Variants in GRM5 observed in about 807,000 individuals in gnomAD.
GRM5 encodes the protein metabotropic glutamate receptor 5.
Under a neutral mutation model 83.1 loss-of-function variants are expected in GRM5, and 19 were observed. The ratio of observed to expected loss-of-function variants is 0.23; its 90% CI spans 0.16 to 0.34. GRM5 has a LOEUF of 0.34. GRM5 is among the 10% of genes least tolerant of loss of function. GRM5 has a pLI of 1.00. For missense variants in GRM5, 1,160 were observed against 1,588.3 expected (o/e 0.73, Z 4.58); for synonymous variants, 675 against 633.6 (o/e 1.07, Z -0.98).
At chr11:88,590,828 C>T in intron 6 of GRM5, 101 bp from the exon 7 acceptor site, 1 of 710,876 alleles carries the variant, frequency 1.4e-6, no homozygotes, top group Non-Finnish European at 2.4e-6. Flanking sequence ...AGGCCTTTCA[C>T]ATACATTATT....
chr11:88,928,634 T>A (rs596370), intron 2 of GRM5, among the ~76,000 whole-genome samples: 70,758 of 151,342 alleles, frequency 0.47, 17,620 homozygotes, highest in African/African-American at 0.63. Flanking sequence ...ACTGATAAAA[T>A]GACAATTATA....
Position 88,506,899 on chromosome 11 carries a change from AT to A in GRM5, c.*1692del, listed in dbSNP as rs1381436580. On this transcript the variant is annotated 3_prime_UTR_variant, in exon 10 of 10. Transcript: ENST00000305447. ...GCTAAAAGAAAAAGTTTTATTTATT[AT>A]TCTCTCTGCCAAAATATACTTCTGC... 1 of 151,918 alleles carries A rather than the reference AT, an allele frequency of 6.6e-6. No individual in the cohort carries two copies. The highest frequency in any genetic ancestry group is 1.5e-5 in the Non-Finnish European group (1 of 68,020). 9.4% of individuals were successfully genotyped at this position (151,918 alleles called of 1,614,324 possible). A position where few individuals can be genotyped will look rare whatever the true frequency, so the allele number is the denominator to read the frequency against.
chr11:88,865,882 G>C (rs1283585419), intron 2 of GRM5, among the ~76,000 whole-genome samples: 1 of 152,110 alleles, frequency 6.6e-6, no homozygotes, highest in Admixed American at 6.6e-5. Context: ...AGTTAGAATG[G>C]TGATCATTAA....
At chr11:88,755,434 T>C (rs1324693748) in intron 3 of GRM5, among the ~76,000 whole-genome samples, 1 of 152,178 alleles carries the variant, frequency 6.6e-6, no homozygotes, top group African/African-American at 2.4e-5. Context: ...GAGTTTTTAA[T>C]CATATGGTAG....
chr11:88,878,346 G>A (rs1043377932), intron 2 of GRM5, among the ~76,000 whole-genome samples: 2 of 152,066 alleles, frequency 1.3e-5, no homozygotes, highest in African/African-American at 4.8e-5. Flanking sequence ...TTCACATAGA[G>A]AGGAAACAGA....
chr11:88,665,162 T>TACACAC (rs1214459891), intron 3 of GRM5, among the ~76,000 whole-genome samples: 6,067 of 140,966 alleles, frequency 0.043, 387 homozygotes, highest in African/African-American at 0.14. Context: ...TTAATTTATT[T>TACACAC]ACACACACAC....
At chr11:88,511,480 C>T (rs377320958) in intron 9 of GRM5, among the ~76,000 whole-genome samples, 6 of 152,262 alleles carry the variant, frequency 3.9e-5, no homozygotes, top group East Asian at 3.9e-4. Context: ...TTTCTTTCTC[C>T]GCTCTTTCCT....
intron 8 of GRM5, among the ~76,000 whole-genome samples, chr11:88,551,586 G>T (rs1338569184): frequency 6.6e-6 from 1 of 152,134 alleles, no homozygotes; most frequent in Non-Finnish European, 1.5e-5. Flanking sequence ...ACAAGGTCAA[G>T]CTTTAGAGAA....
At chr11:88,757,361 T>C (rs1284684308) in intron 3 of GRM5, among the ~76,000 whole-genome samples, 1 of 152,138 alleles carries the variant, frequency 6.6e-6, no homozygotes, top group African/African-American at 2.4e-5. Context: ...CTGCTGCTGG[T>C]GGAATGCACT....
At chr11:88,668,508 C>G (rs1314717746) in intron 3 of GRM5, among the ~76,000 whole-genome samples, 3 of 151,812 alleles carry the variant, frequency 2.0e-5, no homozygotes, top group Admixed American at 1.3e-4. Flanking sequence ...AAAATAAAGA[C>G]AAAATGTAGG....
intron 2 of GRM5, among the ~76,000 whole-genome samples, chr11:88,908,097 A>G (rs1428170672): frequency 6.6e-6 from 1 of 152,130 alleles, no homozygotes; most frequent in Non-Finnish European, 1.5e-5. Context: ...ATGAGGGAAA[A>G]TATGAGGCAA....
intron 3 of GRM5, among the ~76,000 whole-genome samples, chr11:88,819,119 AAGAG>A (rs750311611): frequency 3.3e-5 from 5 of 152,206 alleles, no homozygotes; most frequent in Admixed American, 6.5e-5. Context: ...AATGCTTCCA[AAGAG>A]AGAGAGGCAG....
chr11:88,723,911 A>G (rs1941609893), intron 3 of GRM5, among the ~76,000 whole-genome samples: 1 of 152,014 alleles, frequency 6.6e-6, no homozygotes, highest in African/African-American at 2.4e-5. Flanking sequence ...GTACATGTGC[A>G]TGTTGCTATA....
At chr11:88,760,604 G>A (rs1942492129) in intron 3 of GRM5, among the ~76,000 whole-genome samples, 1 of 151,984 alleles carries the variant, frequency 6.6e-6, no homozygotes, top group East Asian at 1.9e-4. Flanking sequence ...GTGCCATATG[G>A]ATTCACAGCC....
rs776778956 is a variant in GRM5 at position 88,653,334 on chromosome 11, G to A, written c.981C>T (p.Ile327=). The change falls in exon 4 of 10, where the codon ATC becomes ATT. Residue 327 remains isoleucine, a synonymous_variant. Transcript: ENST00000305447. ...YQREAVGGIT[I]KLQSPDVKWF... ...ACTTGACATCGGGAGATTGGAGCTT[G>A]ATTGTGATGCCACCAACAGCTTCTC... The A allele has an allele frequency of 2.2e-5, 35 of 1,612,962 alleles. No individual in the cohort carries two copies. Among genetic ancestry groups the A allele is most frequent in the Non-Finnish European group, 3.0e-5 (35 of 1,179,296 alleles).
intron 7 of GRM5, among the ~76,000 whole-genome samples, chr11:88,574,495 G>A (rs1943065003): frequency 6.6e-6 from 1 of 152,152 alleles, no homozygotes; most frequent in African/African-American, 2.4e-5. Flanking sequence ...GTGGGCAGGT[G>A]CAGTGGCTCA....
rs190670533 is a variant in GRM5 at position 88,986,008 on chromosome 11, A to G, written c.661+61204T>C. ...CATTCCACCACTATACAACCCACCAATTGCAATCCTGGGCATTTATCCTAA... is the reference window on the plus strand; with the variant it reads ...CATTCCACCACTATACAACCCACCAGTTGCAATCCTGGGCATTTATCCTAA... On this transcript the variant is annotated intron_variant, in intron 2 of 9. Transcript: ENST00000305447. 2.0e-3 allele frequency among the ~76,000 whole-genome samples: 304 copies of G among 152,284 alleles called. 3 individuals carry two copies. The highest frequency in any genetic ancestry group is 7.1e-3 in the African/African-American group (295 of 41,564).
chr11:88,588,096 T>A (rs1027925606), intron 7 of GRM5, among the ~76,000 whole-genome samples: 1 of 152,178 alleles, frequency 6.6e-6, no homozygotes, highest in Non-Finnish European at 1.5e-5. Flanking sequence ...TCTTCTCCCA[T>A]CAGCACCTTC....
At chr11:88,517,545 T>A (rs1278969296) in intron 9 of GRM5, among the ~76,000 whole-genome samples, 5 of 152,200 alleles carry the variant, frequency 3.3e-5, no homozygotes, top group Admixed American at 6.5e-5. Context: ...GCACTCAGCT[T>A]TGCTGAGTAA....
Sources: allele counts gnomAD v4.1 joint callset (sites outside exome capture counted in the v4.1 genomes callset), GRCh38; gene constraint gnomAD v4.1.1; transcripts MANE v1.5; gene names NCBI Gene and HGNC (gene_info 2026-07-23, HGNC 2026-07-21).